Variants in NDEL1 observed in about 807,000 individuals in gnomAD.
NDEL1 encodes the protein nuclear distribution protein nudE-like 1.
Under a neutral mutation model 45.7 loss-of-function variants are expected in NDEL1, and 9 were observed. The ratio of observed to expected loss-of-function variants is 0.20; its 90% CI spans 0.12 to 0.34. NDEL1 has a LOEUF of 0.34. Ranked by LOEUF, NDEL1 falls within the 10% of genes least tolerant of loss-of-function variation. The probability of loss-of-function intolerance (pLI) is 1.00; values close to 1 mark genes in which losing one functional copy is unlikely to be tolerated. For missense variants in NDEL1, 306 were observed against 406.2 expected (o/e 0.75, Z 2.12); for synonymous variants, 133 against 158.6 (o/e 0.84, Z 1.21).
intron 1 of NDEL1, among the ~76,000 whole-genome samples, chr17:8,438,778 G>A (rs1909524185): frequency 6.6e-6 from 1 of 152,008 alleles, no homozygotes; most frequent in Admixed American, 6.6e-5. Context: ...AGCCTTCCAA[G>A]TGCTGGGATT....
downstream of NDEL1, among the ~76,000 whole-genome samples, chr17:8,470,384 T>C (rs1056150945): frequency 6.6e-6 from 1 of 152,118 alleles, no homozygotes; most frequent in African/African-American, 2.4e-5. The surrounding 1 kb of genome is among the most constrained non-coding windows in gnomAD (Gnocchi z 4.2). Context: ...CCTCCAGGTG[T>C]TTTCATTTCA....
intron 1 of NDEL1, among the ~76,000 whole-genome samples, chr17:8,417,698 G>T (rs926015464): frequency 6.6e-6 from 1 of 152,132 alleles, no homozygotes; most frequent in African/African-American, 2.4e-5. Context: ...ACATTCTAGG[G>T]GGCATCAGGG....
chr17:8,422,128 A>G (rs1281557957), intron 1 of NDEL1, among the ~76,000 whole-genome samples: 1 of 152,238 alleles, frequency 6.6e-6, no homozygotes, highest in Non-Finnish European at 1.5e-5. Flanking sequence ...GGTGGAGGGT[A>G]GACCTTGCTG....
intron 7 of NDEL1, among the ~76,000 whole-genome samples, 188 bp from the exon 8 acceptor site, chr17:8,459,821 G>A (rs1182400173): frequency 6.6e-6 from 1 of 152,138 alleles, no homozygotes; most frequent in African/African-American, 2.4e-5. Flanking sequence ...ATATTCTGAG[G>A]TCATTAGAAA....
intron 8 of NDEL1, among the ~76,000 whole-genome samples, chr17:8,461,962 G>C (rs1366220334): frequency 1.3e-5 from 2 of 152,032 alleles, no homozygotes; most frequent in African/African-American, 4.8e-5. Flanking sequence ...AACACTGTCT[G>C]TTCAGGGTCG....
rs1909939163 is a variant in NDEL1, at chr17:8,444,242, G to C, written c.-12-18G>C. 15 of 1,483,742 alleles carry C rather than the reference G, an allele frequency of 1.0e-5. No individual in the cohort carries two copies. The East Asian group carries it at 3.2e-4, about 31-fold the overall frequency. 91.9% of individuals were successfully genotyped at this position (1,483,742 alleles called of 1,614,324 possible). On this transcript the variant is annotated intron_variant, in intron 1 of 8. Transcript: ENST00000334527. Reference sequence around the variant, plus strand: ...CTCTGTTCTCTAATTTGTTAAGTTTGTCTTTAATATTTCACAGGCTTTCTT... The same window carrying C: ...CTCTGTTCTCTAATTTGTTAAGTTTCTCTTTAATATTTCACAGGCTTTCTT...
At chr17:8,458,373 T>C (rs1910983853) in intron 7 of NDEL1, among the ~76,000 whole-genome samples, 1 of 152,286 alleles carries the variant, frequency 6.6e-6, no homozygotes, top group South Asian at 2.1e-4. Context: ...TGTGGATGTC[T>C]TTCAAATCTT....
upstream of NDEL1, chr17:8,431,087 A>G (rs1908989163): frequency 1.3e-5 from 2 of 152,304 alleles, no homozygotes; most frequent in African/African-American, 2.4e-5. Flanking sequence ...GATGATGCCA[A>G]CATTTTCCGA....
At chr17:8,419,915 A>G (rs1056232042) in intron 1 of NDEL1, among the ~76,000 whole-genome samples, 8 of 152,168 alleles carry the variant, frequency 5.3e-5, no homozygotes, top group Non-Finnish European at 2.9e-5. Flanking sequence ...GCAAGAAGGA[A>G]TGAGGAGAAT....
chr17:8,443,063 G>A (rs1397494351), intron 1 of NDEL1, among the ~76,000 whole-genome samples: 1 of 152,226 alleles, frequency 6.6e-6, no homozygotes, highest in African/African-American at 2.4e-5. Context: ...ACAGGCATGA[G>A]CCACCACACC....
At chr17:8,461,966 A>G (rs963838273) in intron 8 of NDEL1, among the ~76,000 whole-genome samples, 2 of 152,142 alleles carry the variant, frequency 1.3e-5, no homozygotes, top group Middle Eastern at 3.4e-3. Context: ...CTGTCTGTTC[A>G]GGGTCGCTAC....
intron 1 of NDEL1, among the ~76,000 whole-genome samples, chr17:8,424,453 C>T (rs1472234367): frequency 4.6e-5 from 7 of 152,176 alleles, no homozygotes; most frequent in South Asian, 2.1e-4. Flanking sequence ...AGAAGCAGAA[C>T]GCTGGATCAC....
chr17:8,444,295 T>G lies in NDEL1; in HGVS notation c.24T>G (p.Asp8Glu). The G allele has an allele frequency of 6.2e-7, 1 of 1,613,058 alleles. No individual in the cohort carries two copies. The highest frequency in any genetic ancestry group is 1.3e-5 in the African/African-American group (1 of 74,998). ...TCATGGATGGTGAAGATATACCAGA[T>G]TTTTCAAGTTTAAAGGAGGAAACTG... MDGEDIP[D>E]FSSLKEETAY... Residue 8 changes from aspartate (D) to glutamate (E), a missense_variant, in exon 2 of 9, where the codon GAT becomes GAG. By Grantham distance (45) the Asp-to-Glu change is conservative. Transcript: ENST00000334527.
chr17:8,426,141 T>C (rs1415346878), intron 1 of NDEL1, among the ~76,000 whole-genome samples: 1 of 152,208 alleles, frequency 6.6e-6, no homozygotes, highest in Non-Finnish European at 1.5e-5. Flanking sequence ...GTTTTTTCAT[T>C]TTTAGAAAAT....
chr17:8,465,365 C>T lies in NDEL1; in HGVS notation c.945-1565C>T, dbSNP rs888570611. The T allele has an allele frequency of 6.6e-6, 1 of 152,248 alleles. No homozygotes were observed. Among genetic ancestry groups the T allele is most frequent in the Non-Finnish European group, 1.5e-5 (1 of 68,058 alleles). The allele number at this position is 152,248 out of a possible 1,614,324, so 9.4% of individuals were successfully genotyped here. A position where few individuals can be genotyped will look rare whatever the true frequency, so the allele number is the denominator to read the frequency against. Reference sequence around the variant, plus strand: ...CTAACCCAGTGAGGAAAGAGACAATCTGGCTGTTTGTCGTCGAAGTAGGAC... The same window carrying T: ...CTAACCCAGTGAGGAAAGAGACAATTTGGCTGTTTGTCGTCGAAGTAGGAC... On this transcript the variant is annotated intron_variant, in intron 8 of 8. Coordinates refer to ENST00000334527, the MANE Select transcript of NDEL1 (RefSeq NM_030808.5). This position sits in a 1 kb window ranked among gnomAD's most constrained non-coding sequence, Gnocchi z 4.9.
chr17:8,439,251 C>A (rs556238393), intron 1 of NDEL1, among the ~76,000 whole-genome samples: 5 of 133,994 alleles, frequency 3.7e-5, no homozygotes, highest in African/African-American at 1.4e-4. Flanking sequence ...TTTTTTTTTT[C>A]TTTTATTTGA....
intron 1 of NDEL1, among the ~76,000 whole-genome samples, chr17:8,415,527 C>T (rs2151690730): frequency 6.6e-6 from 1 of 151,874 alleles, no homozygotes; most frequent in African/African-American, 2.4e-5. Context: ...CTCGACCTCC[C>T]TGGGCTCGGG....
intron 1 of NDEL1, among the ~76,000 whole-genome samples, chr17:8,426,769 A>C (rs1020054023): frequency 6.6e-6 from 1 of 152,104 alleles, no homozygotes; most frequent in Non-Finnish European, 1.5e-5. Context: ...AGTTCCATCA[A>C]TAGGGGAGAA....
chr17:8,421,181 A>G (rs1195334669), intron 1 of NDEL1, among the ~76,000 whole-genome samples: 2 of 152,230 alleles, frequency 1.3e-5, no homozygotes, highest in Non-Finnish European at 2.9e-5. Flanking sequence ...TCCAATAAAT[A>G]TTCAAAGATG....
Sources: allele counts gnomAD v4.1 joint callset (sites outside exome capture counted in the v4.1 genomes callset), GRCh38; gene constraint gnomAD v4.1.1; non-coding constraint Gnocchi (gnomAD v3.1); transcripts MANE v1.5; gene names NCBI Gene and HGNC (gene_info 2026-07-23, HGNC 2026-07-21).